The following CHRM3 variants were observed in gnomAD, a reference collection of about 807,000 sequenced individuals.
The protein encoded by CHRM3 is muscarinic acetylcholine receptor M3.
CHRM3 carries 11 observed loss-of-function variants against 41.8 expected under a neutral mutation model. That is an observed-to-expected ratio of 0.26 (90% CI 0.17 to 0.44). The LOEUF (loss-of-function observed/expected upper bound fraction) is 0.44. CHRM3 is among the 20% of genes least tolerant of loss of function. The probability of loss-of-function intolerance (pLI) is 1.00; values close to 1 mark genes in which losing one functional copy is unlikely to be tolerated. For synonymous variants in CHRM3, 297 were observed against 301.4 expected, an observed-to-expected ratio of 0.99 and a Z score of 0.15; for missense variants, 571 against 745.4, an observed-to-expected ratio of 0.77 and a Z score of 2.72.
chr1:239,736,696 G>A lies in CHRM3; in HGVS notation c.-147+58408G>A, dbSNP rs923059860. Among the ~76,000 whole-genome samples, 15 of 152,224 alleles carry A rather than the reference G, an allele frequency of 9.9e-5. No homozygotes were observed. In the East Asian group the frequency reaches 1.5e-3, roughly 16 times the overall value. Reference sequence around the variant, plus strand: ...TAAATTGCTGACCTTGCTAATGTTAGTTCCATAACCAGCTATGCCAATACA... The same window carrying A: ...TAAATTGCTGACCTTGCTAATGTTAATTCCATAACCAGCTATGCCAATACA... On this transcript the variant is annotated intron_variant, in intron 5 of 6. Coordinates refer to ENST00000676153, the MANE Select transcript of CHRM3 (RefSeq NM_001375978.1).
intron 2 of CHRM3, among the ~76,000 whole-genome samples, chr1:239,536,648 A>G (rs371625710): frequency 6.6e-6 from 1 of 152,222 alleles, no homozygotes; most frequent in East Asian, 1.9e-4. Context: ...TAGTGAAGAT[A>G]GCCATCTAAG....
At chr1:239,496,184 G>C (rs1352702748) in intron 2 of CHRM3, among the ~76,000 whole-genome samples, 34 of 152,082 alleles carry the variant, frequency 2.2e-4, no homozygotes, top group Admixed American at 2.2e-3. Context: ...GGGCAAACCA[G>C]ATGAACATGG....
At chr1:239,892,414 C>T (rs1037888337) in intron 6 of CHRM3, among the ~76,000 whole-genome samples, 1 of 152,168 alleles carries the variant, frequency 6.6e-6, no homozygotes, top group African/African-American at 2.4e-5. Context: ...ATTTAATTTA[C>T]ATTTTATGAT....
At chr1:239,467,557 C>T (rs1261772190) in intron 1 of CHRM3, among the ~76,000 whole-genome samples, 1 of 152,198 alleles carries the variant, frequency 6.6e-6, no homozygotes, top group Non-Finnish European at 1.5e-5. Flanking sequence ...GCCTCGGCCT[C>T]CCAAAGTGCT....
chr1:239,599,865 T>G (rs1665290957), intron 3 of CHRM3, among the ~76,000 whole-genome samples: 1 of 152,218 alleles, frequency 6.6e-6, no homozygotes, highest in Non-Finnish European at 1.5e-5. Flanking sequence ...GAGTATGGTT[T>G]CTACTGAATA....
chr1:239,845,260 G>A (rs1469224125), intron 6 of CHRM3, among the ~76,000 whole-genome samples: 1 of 152,166 alleles, frequency 6.6e-6, no homozygotes, highest in African/African-American at 2.4e-5. Flanking sequence ...TAGCAAAACA[G>A]CAGCTCATGA....
intron 6 of CHRM3, among the ~76,000 whole-genome samples, chr1:239,843,299 T>A (rs1558172019): frequency 6.6e-6 from 1 of 152,112 alleles, no homozygotes; most frequent in East Asian, 1.9e-4. Flanking sequence ...CCTCCTCTAA[T>A]CATTTTTAAC....
chr1:239,585,261 T>C (rs1663294869), intron 3 of CHRM3, among the ~76,000 whole-genome samples: 1 of 152,086 alleles, frequency 6.6e-6, no homozygotes. Context: ...TGATTATAAG[T>C]TTTCTTATGA....
intron 3 of CHRM3, among the ~76,000 whole-genome samples, chr1:239,587,546 T>C (rs924718196): frequency 1.3e-5 from 2 of 152,212 alleles, no homozygotes; most frequent in African/African-American, 4.8e-5. Context: ...CAATGCAGTA[T>C]GAGGGGCAAT....
intron 1 of CHRM3, among the ~76,000 whole-genome samples, chr1:239,463,354 G>A (rs10802769): frequency 2.0e-5 from 3 of 151,820 alleles, no homozygotes; most frequent in African/African-American, 4.8e-5. Flanking sequence ...TGACAATATT[G>A]CATCCTCATT....
At chr1:239,396,323 G>GCA (rs554012915) in intron 1 of CHRM3, among the ~76,000 whole-genome samples, 97 of 152,042 alleles carry the variant, frequency 6.4e-4, no homozygotes, top group Non-Finnish European at 1.2e-3. Flanking sequence ...TGCTCAGTGT[G>GCA]CACATTCGCA....
intron 1 of CHRM3, among the ~76,000 whole-genome samples, chr1:239,391,571 A>C (rs975231633): frequency 3.9e-4 from 59 of 152,194 alleles, no homozygotes; most frequent in African/African-American, 1.3e-3. Context: ...CCCCTCCTGA[A>C]GGCCAAGGAC....
At chr1:239,847,351 G>T (rs977547485) in intron 6 of CHRM3, among the ~76,000 whole-genome samples, 9 of 152,134 alleles carry the variant, frequency 5.9e-5, no homozygotes, top group South Asian at 2.1e-4. Context: ...TAGGCCATAA[G>T]AATCTATGCC....
chr1:239,566,401 A>G (rs1488547329), intron 3 of CHRM3, among the ~76,000 whole-genome samples: 2 of 152,238 alleles, frequency 1.3e-5, no homozygotes, highest in Non-Finnish European at 2.9e-5. Flanking sequence ...TCATGGTAAT[A>G]GGAGGTAGCA....
intron 3 of CHRM3, among the ~76,000 whole-genome samples, chr1:239,549,296 T>G (rs1240225215): frequency 1.3e-5 from 2 of 152,090 alleles, no homozygotes; most frequent in East Asian, 3.9e-4. Flanking sequence ...TTTGTGGTTT[T>G]ATGGTCATTA....
At chr1:239,905,028 A>G (rs936291559) in intron 6 of CHRM3, among the ~76,000 whole-genome samples, 10 of 152,218 alleles carry the variant, frequency 6.6e-5, no homozygotes, top group Admixed American at 2.0e-4. Flanking sequence ...TCAAATGACC[A>G]ATTTATACTG....
chr1:239,779,759 C>A (rs1304622963), intron 5 of CHRM3, among the ~76,000 whole-genome samples: 2 of 152,092 alleles, frequency 1.3e-5, no homozygotes, highest in African/African-American at 2.4e-5. Context: ...AGAATAGTGT[C>A]ACCTAAAAAT....
At chr1:239,576,025 C>A (rs1222220026) in intron 3 of CHRM3, among the ~76,000 whole-genome samples, 1 of 152,046 alleles carries the variant, frequency 6.6e-6, no homozygotes, top group Non-Finnish European at 1.5e-5. Context: ...ATTTGACTAC[C>A]AAGTCATGAA....
chr1:239,569,893 A>G (rs1362700717), intron 3 of CHRM3, among the ~76,000 whole-genome samples: 4 of 152,198 alleles, frequency 2.6e-5, no homozygotes, highest in Admixed American at 6.5e-5. Context: ...GTAGATATAT[A>G]TGATTTATCC....
Sources: allele counts gnomAD v4.1 joint callset (sites outside exome capture counted in the v4.1 genomes callset), GRCh38; gene constraint gnomAD v4.1.1; transcripts MANE v1.5; gene names NCBI Gene and HGNC (gene_info 2026-07-23, HGNC 2026-07-21).